PRKCH: variants seen among roughly 807,000 people sequenced by gnomAD.
The protein encoded by PRKCH is protein kinase C eta type.
A neutral mutation model predicts 82.5 loss-of-function variants in PRKCH; 28 were observed. The observed-to-expected ratio is 0.34, with a 90% CI of 0.25 to 0.47. PRKCH has a LOEUF of 0.47. Among genes scored for constraint, PRKCH ranks in the 20% least tolerant of loss-of-function variants. PRKCH has a pLI of 1.00. For missense variants in PRKCH, 705 were observed against 881.8 expected, an observed-to-expected ratio of 0.80 and a Z score of 2.54; for synonymous variants, 322 against 327.4, an observed-to-expected ratio of 0.98 and a Z score of 0.18.
At position 61,549,820 on chromosome 14, in the gene PRKCH, T is replaced by G. The variant is rs527487305; in HGVS notation, c.2041T>G (p.Leu681Val). 6.2e-7 allele frequency: 1 copy of G among 1,613,902 alleles called. No individual in the cohort carries two copies. The highest frequency in any genetic ancestry group is 8.5e-7 in the Non-Finnish European group (1 of 1,179,958). The change falls in exon 14 of 14, where the codon TTG becomes GTG. Residue 681 changes from leucine to valine, a missense_variant. Transcript: ENST00000332981. Reference protein sequence around the residue: ...FRNFSYVSPELQP With the variant: ...FRNFSYVSPEVQP ...AAACTTTTCCTATGTGTCTCCAGAA[T>G]TGCAACCATAGCCTTATGGGGAGTG...
intron 2 of PRKCH, among the ~76,000 whole-genome samples, chr14:61,407,684 T>C (rs1438467739): frequency 6.6e-6 from 1 of 152,208 alleles, no homozygotes; most frequent in African/African-American, 2.4e-5. Flanking sequence ...TTTTAATTCC[T>C]ACATTCTTGG....
intron 1 of PRKCH, among the ~76,000 whole-genome samples, chr14:61,247,782 GA>G (rs2044900864): frequency 8.0e-6 from 1 of 125,720 alleles, no homozygotes; most frequent in Admixed American, 7.7e-5. Flanking sequence ...GAATTGAACA[GA>G]AAAAATAAGC....
chr14:61,322,430 G>A lies in PRKCH; in HGVS notation c.329G>A (p.Arg110His). ...NCTLQFQELL[R>H]TTGASDTFEG... The stretch of plus-strand genomic sequence containing the variant: ...ACCCTGCAGTTCCAGGAGCTGCTGC[G>A]CACGACCGGCGCCTCGGACACCTTC... Residue 110 changes from arginine to histidine, a missense_variant, in exon 1 of 14, where the codon CGC becomes CAC. Coordinates refer to ENST00000332981, the MANE Select transcript of PRKCH (RefSeq NM_006255.5). 1 of 1,598,216 alleles carries A rather than the reference G, an allele frequency of 6.3e-7. No individual in the cohort carries two copies. Among genetic ancestry groups the A allele is most frequent in the Non-Finnish European group, 8.6e-7 (1 of 1,167,300 alleles).
chr14:61,485,824 C>T (rs982683194), intron 10 of PRKCH, among the ~76,000 whole-genome samples, 168 bp downstream of exon 10: 3 of 152,174 alleles, frequency 2.0e-5, no homozygotes, highest in African/African-American at 7.2e-5. Context: ...CTCCATAGCC[C>T]GGGCTGGAGT....
chr14:61,500,026 A>G (rs12885342), intron 10 of PRKCH, among the ~76,000 whole-genome samples: 13,108 of 150,518 alleles, frequency 0.087, 1,122 homozygotes, highest in African/African-American at 0.22. Context: ...TTTCTTCAGG[A>G]TTACTGATTT....
chr14:61,383,799 A>G (rs1358249337), intron 1 of PRKCH, among the ~76,000 whole-genome samples: 1 of 152,110 alleles, frequency 6.6e-6, no homozygotes, highest in African/African-American at 2.4e-5. Context: ...CCTGACTAGG[A>G]CAGCAGGTTT....
upstream of PRKCH, among the ~76,000 whole-genome samples, chr14:61,321,228 G>A (rs1406947346): frequency 6.6e-6 from 1 of 152,254 alleles, no homozygotes; most frequent in Non-Finnish European, 1.5e-5. This position sits in a 1 kb window ranked among gnomAD's most constrained non-coding sequence, Gnocchi z 4.1. Context: ...AGCCCACCGG[G>A]GAGGTTGGGA....
At chr14:61,356,998 T>C (rs1176469613) in intron 1 of PRKCH, among the ~76,000 whole-genome samples, 1 of 152,200 alleles carries the variant, frequency 6.6e-6, no homozygotes, top group Non-Finnish European at 1.5e-5. Flanking sequence ...AGTTCTTTCT[T>C]ACTATGGCTA....
intron 10 of PRKCH, among the ~76,000 whole-genome samples, chr14:61,496,114 A>G (rs1349582908): frequency 1.3e-5 from 2 of 152,138 alleles, no homozygotes; most frequent in Non-Finnish European, 2.9e-5. Flanking sequence ...GAGCAGATGA[A>G]TTCGGGCGTC....
intron 1 of PRKCH, among the ~76,000 whole-genome samples, chr14:61,292,975 A>C (rs778380545): frequency 5.9e-5 from 9 of 152,282 alleles, no homozygotes; most frequent in Non-Finnish European, 1.3e-4. Flanking sequence ...TCACAAAACC[A>C]GGTGATTATT....
At chr14:61,355,334 T>C (rs1413344295) in intron 1 of PRKCH, among the ~76,000 whole-genome samples, 1 of 152,134 alleles carries the variant, frequency 6.6e-6, no homozygotes, top group Non-Finnish European at 1.5e-5. Flanking sequence ...TTTGTTTTTT[T>C]TTTCTTATTA....
At chr14:61,388,542 A>G (rs1369207148) in intron 1 of PRKCH, among the ~76,000 whole-genome samples, 1 of 152,238 alleles carries the variant, frequency 6.6e-6, no homozygotes, top group Non-Finnish European at 1.5e-5. Flanking sequence ...CCAGGCAGCA[A>G]CTGTGCCTGT....
At chr14:61,493,722 G>T (rs1026897535) in intron 10 of PRKCH, among the ~76,000 whole-genome samples, 1 of 152,076 alleles carries the variant, frequency 6.6e-6, no homozygotes, top group African/African-American at 2.4e-5. Context: ...ACGTGCGGGT[G>T]GGGGGCATGG....
At chr14:61,356,147 G>C (rs1370379994) in intron 1 of PRKCH, among the ~76,000 whole-genome samples, 1 of 152,212 alleles carries the variant, frequency 6.6e-6, no homozygotes, top group East Asian at 1.9e-4. Context: ...AGAGGAAGTG[G>C]AGGGGGGTGG....
intron 10 of PRKCH, among the ~76,000 whole-genome samples, chr14:61,493,770 T>C (rs1886553108): frequency 6.6e-6 from 1 of 151,770 alleles, no homozygotes; most frequent in African/African-American, 2.4e-5. Context: ...GCAGCCAGGT[T>C]GCAAGGGAGA....
chr14:61,262,983 T>A (rs1594880263), intron 1 of PRKCH, among the ~76,000 whole-genome samples: 1 of 152,234 alleles, frequency 6.6e-6, no homozygotes, highest in Admixed American at 6.5e-5. Context: ...GTACACAGAA[T>A]TGGATTAATC....
intron 1 of PRKCH, among the ~76,000 whole-genome samples, chr14:61,211,953 G>T (rs913417674): frequency 6.6e-6 from 1 of 152,128 alleles, no homozygotes; most frequent in African/African-American, 2.4e-5. Context: ...TTCAGCCCAG[G>T]TGAAGAGGCC....
chr14:61,258,733 C>T (rs1315721314), intron 1 of PRKCH, among the ~76,000 whole-genome samples: 1 of 152,150 alleles, frequency 6.6e-6, no homozygotes, highest in South Asian at 2.1e-4. Context: ...AAGTTCCCTC[C>T]AGGACTTTAT....
intron 1 of PRKCH, among the ~76,000 whole-genome samples, chr14:61,388,593 T>C (rs947549904): frequency 6.6e-6 from 1 of 152,196 alleles, no homozygotes. Flanking sequence ...TGTATGTGTA[T>C]GTATGTATTC....
Sources: allele counts gnomAD v4.1 joint callset (sites outside exome capture counted in the v4.1 genomes callset), GRCh38; gene constraint gnomAD v4.1.1; non-coding constraint Gnocchi (gnomAD v3.1); transcripts MANE v1.5; gene names NCBI Gene and HGNC (gene_info 2026-07-23, HGNC 2026-07-21).